The following MARCHF3 variants were observed in gnomAD, a reference collection of about 807,000 sequenced individuals.
MARCHF3 encodes the protein membrane associated ring-CH-type finger 3.
MARCHF3 carries 13 observed loss-of-function variants against 24.2 expected under a neutral mutation model. The ratio of observed to expected loss-of-function variants is 0.54; its 90% CI spans 0.35 to 0.85. The LOEUF is 0.85. Ranked by LOEUF, MARCHF3 falls within the 40% of genes least tolerant of loss-of-function variation. MARCHF3 has a pLI of 0.01. For synonymous variants in MARCHF3, 144 were observed against 137.3 expected (o/e 1.05, Z -0.34); for missense variants, 276 against 325.0 (o/e 0.85, Z 1.16).
intron 1 of MARCHF3, among the ~76,000 whole-genome samples, chr5:127,000,364 C>G (rs1752087653): frequency 6.6e-6 from 1 of 152,122 alleles, no homozygotes; most frequent in African/African-American, 2.4e-5. Flanking sequence ...TTGGACAGTT[C>G]AGTGGGCCTA....
intron 1 of MARCHF3, among the ~76,000 whole-genome samples, chr5:126,966,702 C>T (rs1750822803): frequency 6.6e-6 from 1 of 151,774 alleles, no homozygotes; most frequent in South Asian, 2.1e-4. Context: ...ATTTACTGAA[C>T]ATATTTAATC....
At chr5:126,879,368 C>T (rs1232624822) in intron 3 of MARCHF3, among the ~76,000 whole-genome samples, 1 of 151,990 alleles carries the variant, frequency 6.6e-6, no homozygotes, top group Non-Finnish European at 1.5e-5. Context: ...TTGGGGATAC[C>T]AAACACGGAA....
rs1420043485 is a variant in MARCHF3 at position 126,878,315 on chromosome 5, A to G, written c.473T>C (p.Leu158Pro). Residue 158 changes from leucine to proline, a missense_variant, in exon 4 of 5, where the codon CTG becomes CCG. Coordinates refer to ENST00000308660, the MANE Select transcript of MARCHF3 (RefSeq NM_178450.5). ...DMVCFLFITP[L>P]ATISGWLCLR... ...GCACAGCCAGCCCGAGATGGTGGCC[A>G]GGGGAGTTATAAACAAGAAGCACAC... is the stretch of plus-strand genomic sequence containing the variant. The G allele has an allele frequency of 6.2e-7, 1 of 1,614,128 alleles. No individual in the cohort carries two copies. Among genetic ancestry groups the G allele is most frequent in the African/African-American group, 1.3e-5 (1 of 74,942 alleles).
intron 1 of MARCHF3, among the ~76,000 whole-genome samples, chr5:126,934,852 T>C (rs1270356429): frequency 2.6e-5 from 4 of 152,220 alleles, no homozygotes; most frequent in Admixed American, 1.3e-4. Flanking sequence ...CTTCTCATCC[T>C]GTCTACCAGG....
chr5:126,941,183 A>G (rs1460263900), intron 1 of MARCHF3, among the ~76,000 whole-genome samples: 1 of 152,228 alleles, frequency 6.6e-6, no homozygotes, highest in African/African-American at 2.4e-5. Context: ...ATGCATTACA[A>G]TTTATTCTGG....
At chr5:126,923,773 T>C (rs920072405) in intron 1 of MARCHF3, among the ~76,000 whole-genome samples, 4 of 152,198 alleles carry the variant, frequency 2.6e-5, no homozygotes, top group Non-Finnish European at 4.4e-5. Context: ...GTACATCTCA[T>C]GTTAAGTGTT....
intron 1 of MARCHF3, among the ~76,000 whole-genome samples, chr5:126,970,637 G>C (rs531396419): frequency 1.3e-5 from 2 of 152,248 alleles, no homozygotes; most frequent in East Asian, 3.9e-4. Flanking sequence ...GACAGATTAA[G>C]CCAAAGTTAA....
chr5:126,997,877 T>C (rs895958149), intron 1 of MARCHF3, among the ~76,000 whole-genome samples: 1 of 152,198 alleles, frequency 6.6e-6, no homozygotes, highest in Non-Finnish European at 1.5e-5. Context: ...CAAAGAAACA[T>C]AGCCGGTTGT....
At chr5:127,015,694 T>C (rs1371486366) in intron 1 of MARCHF3, among the ~76,000 whole-genome samples, 1 of 152,244 alleles carries the variant, frequency 6.6e-6, no homozygotes, top group Non-Finnish European at 1.5e-5. Context: ...AAGAACATAG[T>C]TCTAAGAATA....
intron 1 of MARCHF3, among the ~76,000 whole-genome samples, chr5:126,975,877 C>CT (rs1751177497): frequency 6.6e-6 from 1 of 152,246 alleles, no homozygotes; most frequent in Non-Finnish European, 1.5e-5. Flanking sequence ...TCAATCTTCT[C>CT]TAACTAGAAA....
At position 126,927,515 on chromosome 5, in the gene MARCHF3, T is replaced by C. The variant is rs186634683; in HGVS notation, c.-56-9288A>G. Among the ~76,000 whole-genome samples the C allele has an allele frequency of 2.6e-5, 4 of 152,342 alleles. No homozygotes were observed. The East Asian group carries it at 7.7e-4, about 29-fold the overall frequency. ...TCCCTGGCTGGGACCTGCCTGCCTG[T>C]ATGGGCACAGCATGCATCATGGCCT... is the stretch of plus-strand genomic sequence containing the variant. On this transcript the variant is annotated intron_variant, in intron 1 of 4. Coordinates refer to ENST00000308660, the MANE Select transcript of MARCHF3 (RefSeq NM_178450.5).
rs193264028 is a variant in MARCHF3, at chr5:126,926,141, G to T, written c.-56-7914C>A. 7.7e-3 allele frequency among the ~76,000 whole-genome samples: 1,176 copies of T among 152,276 alleles called. 8 individuals are homozygous for T. The highest frequency in any genetic ancestry group is 0.012 in the Non-Finnish European group (847 of 68,008). ...CACTTTCCTCTGCATAAGCAAACCAGTATTAGCTAGACAGATGTGCTAATT... is the reference window on the plus strand; with the variant it reads ...CACTTTCCTCTGCATAAGCAAACCATTATTAGCTAGACAGATGTGCTAATT... On this transcript the variant is annotated intron_variant, in intron 1 of 4. Transcript: ENST00000308660.
intron 1 of MARCHF3, among the ~76,000 whole-genome samples, chr5:126,990,296 A>C (rs940834669): frequency 9.9e-5 from 15 of 152,156 alleles, no homozygotes; most frequent in African/African-American, 3.6e-4. Context: ...AGAAATGGGG[A>C]AAGGATTCCC....
intron 1 of MARCHF3, among the ~76,000 whole-genome samples, chr5:127,015,833 A>G (rs546836595): frequency 2.6e-5 from 4 of 152,202 alleles, no homozygotes; most frequent in African/African-American, 4.8e-5. Context: ...CAAAGAATTC[A>G]TAAGTTTTAA....
chr5:126,918,995 T>G (rs925147864), intron 1 of MARCHF3, among the ~76,000 whole-genome samples: 1 of 152,204 alleles, frequency 6.6e-6, no homozygotes, highest in Non-Finnish European at 1.5e-5. Flanking sequence ...AAAATGCAGA[T>G]GTATATGCAT....
At chr5:126,988,641 C>A (rs1242976941) in intron 1 of MARCHF3, among the ~76,000 whole-genome samples, 1 of 152,026 alleles carries the variant, frequency 6.6e-6, no homozygotes, top group African/African-American at 2.4e-5. Flanking sequence ...TTTTAAGGTA[C>A]AAAGATTATC....
At chr5:126,911,547 A>T (rs906518280) in intron 3 of MARCHF3, among the ~76,000 whole-genome samples, 1 of 152,196 alleles carries the variant, frequency 6.6e-6, no homozygotes, top group Non-Finnish European at 1.5e-5. Flanking sequence ...CATAGACCTT[A>T]TGAGATTTGC....
chr5:126,988,370 C>T (rs1013353829), intron 1 of MARCHF3, among the ~76,000 whole-genome samples: 29 of 152,224 alleles, frequency 1.9e-4, no homozygotes, highest in African/African-American at 6.0e-4. Flanking sequence ...AACTCAGCCC[C>T]TTGCTCTTAA....
chr5:127,007,362 T>C (rs955399735), intron 1 of MARCHF3, among the ~76,000 whole-genome samples: 7 of 151,658 alleles, frequency 4.6e-5, no homozygotes, highest in Non-Finnish European at 1.0e-4. Context: ...AAAAAAAACC[T>C]TAAAAGAGGT....
Sources: gnomAD v4.1 joint callset for allele counts (sites outside exome capture counted in the v4.1 genomes callset) on GRCh38, gnomAD v4.1.1 for gene constraint, MANE v1.5 for transcripts, NCBI Gene and HGNC (gene_info 2026-07-23, HGNC 2026-07-21) for gene names.